Variants in TMTC1 observed in about 807,000 individuals in gnomAD.
TMTC1 encodes the protein transmembrane O-mannosyltransferase targeting cadherins 1, also known as protein O-mannosyl-transferase TMTC1.
TMTC1 carries 73 observed loss-of-function variants against 104.8 expected under a neutral mutation model. The ratio of observed to expected loss-of-function variants is 0.70; its 90% CI spans 0.58 to 0.85. The LOEUF (loss-of-function observed/expected upper bound fraction) is 0.85, where lower values mean the gene tolerates loss of function less well. Among genes scored for constraint, TMTC1 ranks in the 40% least tolerant of loss-of-function variants. The probability of loss-of-function intolerance (pLI) is 0.00; values close to 1 mark genes in which losing one functional copy is unlikely to be tolerated. For synonymous variants in TMTC1, 434 were observed against 428.7 expected, an observed-to-expected ratio of 1.01 and a Z score of -0.15; for missense variants, 1,035 against 1,096.1, an observed-to-expected ratio of 0.94 and a Z score of 0.79.
chr12:29,527,373 C>T (rs1949150716), intron 11 of TMTC1, among the ~76,000 whole-genome samples: 1 of 152,198 alleles, frequency 6.6e-6, no homozygotes, highest in African/African-American at 2.4e-5. Flanking sequence ...TCCCTACCTT[C>T]ACCACTGAGT....
chr12:29,660,775 AG>A (rs1003482439), intron 5 of TMTC1: 23 of 812,468 alleles, frequency 2.8e-5, no homozygotes, highest in African/African-American at 2.8e-4. Context: ...ATATTTCAAA[AG>A]TATATATATA....
At chr12:29,770,349 T>C (rs979183279) in intron 1 of TMTC1, among the ~76,000 whole-genome samples, 4 of 152,170 alleles carry the variant, frequency 2.6e-5, no homozygotes, top group African/African-American at 9.6e-5. Flanking sequence ...TCTGAAAATG[T>C]CCAAGCGTTA....
chr12:29,729,663 C>T (rs1942495321), intron 5 of TMTC1, among the ~76,000 whole-genome samples: 1 of 152,110 alleles, frequency 6.6e-6, no homozygotes, highest in Non-Finnish European at 1.5e-5. Context: ...GTTACGGCCT[C>T]ACTGGTGTAA....
chr12:29,516,296 A>AC, intron 15 of TMTC1, 53 bp downstream of exon 15: 1 of 1,566,810 alleles, frequency 6.4e-7, no homozygotes. Flanking sequence ...ACTTAGGTGC[A>AC]CCCCATGTTT....
At chr12:29,702,618 T>C (rs1371723270) in intron 5 of TMTC1, among the ~76,000 whole-genome samples, 1 of 152,124 alleles carries the variant, frequency 6.6e-6, no homozygotes, top group African/African-American at 2.4e-5. Flanking sequence ...TCCACAAAAG[T>C]GCATCACTAA....
intron 8 of TMTC1, among the ~76,000 whole-genome samples, chr12:29,578,818 G>A (rs751676201): frequency 2.0e-5 from 3 of 152,152 alleles, no homozygotes; most frequent in Non-Finnish European, 4.4e-5. Context: ...TCAGAGGTTA[G>A]CAAAAAGGAA....
At chr12:29,716,145 A>G (rs1942074903) in intron 5 of TMTC1, among the ~76,000 whole-genome samples, 1 of 152,038 alleles carries the variant, frequency 6.6e-6, no homozygotes, top group Non-Finnish European at 1.5e-5. Context: ...TAGCCTCCCC[A>G]GTAGCTAAGA....
intron 5 of TMTC1, among the ~76,000 whole-genome samples, chr12:29,710,718 T>G (rs1780491038): frequency 7.2e-6 from 1 of 139,648 alleles, no homozygotes; most frequent in Non-Finnish European, 1.5e-5. Flanking sequence ...TATTTATAAT[T>G]TTATATATTA....
At chr12:29,695,169 T>C (rs78827699) in intron 5 of TMTC1, among the ~76,000 whole-genome samples, 1,794 of 152,198 alleles carry the variant, frequency 0.012, 23 homozygotes, top group African/African-American at 0.041. Flanking sequence ...TCTGTCTTGC[T>C]CTCCTCTGTC....
chr12:29,589,519 C>T (rs1592280603), intron 7 of TMTC1, among the ~76,000 whole-genome samples: 1 of 152,208 alleles, frequency 6.6e-6, no homozygotes, highest in African/African-American at 2.4e-5. Context: ...GTGTTCCTAA[C>T]ACCTCATCAC....
At chr12:29,542,749 C>T (rs910843614) in intron 10 of TMTC1, among the ~76,000 whole-genome samples, 5 of 151,882 alleles carry the variant, frequency 3.3e-5, no homozygotes, top group African/African-American at 1.2e-4. Flanking sequence ...GACAATCTGA[C>T]CAAAAGAGAA....
intron 1 of TMTC1, among the ~76,000 whole-genome samples, chr12:29,768,641 G>C (rs1312544449): frequency 1.3e-5 from 2 of 152,182 alleles, no homozygotes; most frequent in East Asian, 3.8e-4. Context: ...AAGCTTTAGG[G>C]AACCTACAGG....
At chr12:29,784,013 T>G, upstream of TMTC1, 4 of 169,978 alleles carry the variant, frequency 2.4e-5, no homozygotes, top group Non-Finnish European at 3.6e-5. Context: ...TCGCTCTCTC[T>G]TCCACCGCCC....
At chr12:29,756,007 G>C (rs573246207) in intron 3 of TMTC1, 122 bp from the exon 4 acceptor site, 110 of 1,051,248 alleles carry the variant, frequency 1.0e-4, no homozygotes, top group South Asian at 9.9e-4. Context: ...AAGCAGGTAA[G>C]TAGAGATTTC....
intron 5 of TMTC1, among the ~76,000 whole-genome samples, chr12:29,707,680 C>T (rs984553483): frequency 2.6e-5 from 4 of 152,142 alleles, no homozygotes; most frequent in Non-Finnish European, 4.4e-5. Context: ...ATGTGGCCAT[C>T]GTCCTTTCTT....
intron 5 of TMTC1, among the ~76,000 whole-genome samples, chr12:29,717,644 G>T (rs553815922): frequency 1.3e-5 from 2 of 152,312 alleles, no homozygotes; most frequent in African/African-American, 2.4e-5. Flanking sequence ...TTTGAAGAGA[G>T]TTAGCAGTTG....
chr12:29,714,639 C>G (rs923821598), intron 5 of TMTC1, among the ~76,000 whole-genome samples: 1 of 151,940 alleles, frequency 6.6e-6, no homozygotes. Context: ...CAGAACCTCC[C>G]TAAAAGGATC....
At chr12:29,745,636 A>AAAAAG (rs1942936480) in intron 5 of TMTC1, among the ~76,000 whole-genome samples, 2 of 151,252 alleles carry the variant, frequency 1.3e-5, no homozygotes, top group African/African-American at 2.4e-5. Flanking sequence ...AAAAAAAAAA[A>AAAAAG]AAAGAAAGAA....
chr12:29,579,094 T>C (rs951195238), intron 8 of TMTC1, among the ~76,000 whole-genome samples: 2 of 152,100 alleles, frequency 1.3e-5, no homozygotes, highest in African/African-American at 4.8e-5. Flanking sequence ...ACCCAATAAA[T>C]CGTTGAGCAG....
Sources: gnomAD v4.1 joint callset for allele counts (sites outside exome capture counted in the v4.1 genomes callset) on GRCh38, gnomAD v4.1.1 for gene constraint, MANE v1.5 for transcripts, NCBI Gene and HGNC (gene_info 2026-07-23, HGNC 2026-07-21) for gene names.